Variants in FLACC1 observed in about 807,000 individuals in gnomAD.
FLACC1 encodes flagellum associated containing coiled-coil domains 1, also known as flagellum-associated coiled-coil domain-containing protein 1.
In FLACC1, 66 loss-of-function variants were observed where a neutral mutation model predicts 62.8. The ratio of observed to expected loss-of-function variants is 1.05; its 90% CI spans 0.86 to 1.29. FLACC1 has a LOEUF of 1.29. Ranked by LOEUF, FLACC1 falls within the 50% of genes most tolerant of loss-of-function variation. The pLI is 0.00. For synonymous variants in FLACC1, 156 were observed against 161.0 expected (o/e 0.97, Z 0.24); for missense variants, 452 against 489.1 (o/e 0.92, Z 0.71).
chr2:201,363,605 C>A, the FLACC1 span, among the ~76,000 whole-genome samples: 8 of 152,066 alleles, frequency 5.3e-5, no homozygotes, highest in African/African-American at 1.7e-4. Context: ...TCTGAGTCAC[C>A]CAAACCCTCC....
At chr2:201,317,584 C>T (rs1950329348) in intron 9 of FLACC1, among the ~76,000 whole-genome samples, 3 of 152,096 alleles carry the variant, frequency 2.0e-5, no homozygotes, top group Non-Finnish European at 4.4e-5. Context: ...CCCATGCTCA[C>T]TGATGGGTAG....
chr2:201,302,922 T>C (rs1471394922), intron 11 of FLACC1, among the ~76,000 whole-genome samples: 1 of 152,178 alleles, frequency 6.6e-6, no homozygotes, highest in East Asian at 1.9e-4. Flanking sequence ...CTGGGACACA[T>C]TTAAAGCAGT....
At chr2:201,296,470 C>T (rs1200341914) in intron 12 of FLACC1, among the ~76,000 whole-genome samples, 1 of 130,006 alleles carries the variant, frequency 7.7e-6, no homozygotes, top group African/African-American at 3.0e-5. Flanking sequence ...AATGAGAACA[C>T]ATGGACACAG....
At chr2:201,332,528 G>A (rs760563392) in intron 7 of FLACC1, among the ~76,000 whole-genome samples, 2 of 152,120 alleles carry the variant, frequency 1.3e-5, no homozygotes, top group East Asian at 1.9e-4. Flanking sequence ...GATTACAGGC[G>A]TGAGCCACTG....
chr2:201,349,302 T>C (rs756108373), intron 3 of FLACC1, among the ~76,000 whole-genome samples: 3 of 152,232 alleles, frequency 2.0e-5, no homozygotes, highest in Non-Finnish European at 4.4e-5. Flanking sequence ...CTGGTCCCTC[T>C]GCCAAGAGTG....
In FLACC1 at chr2:201,288,566, C is replaced by T; in HGVS notation, c.*89G>A. The T allele has an allele frequency of 1.3e-6, 2 of 1,485,902 alleles. No homozygotes were observed. Among genetic ancestry groups the T allele is most frequent in the Non-Finnish European group, 9.1e-7 (1 of 1,096,474 alleles). The allele number at this position is 1,485,902 out of a possible 1,614,324, so 92.0% of individuals were successfully genotyped here. A position where few individuals can be genotyped will look rare whatever the true frequency, so the allele number is the denominator to read the frequency against. On this transcript the variant is annotated 3_prime_UTR_variant, in exon 15 of 15. Coordinates refer to ENST00000392257, the MANE Select transcript of FLACC1 (RefSeq NM_001127391.3). ...ACCCAAGAACTAAACTCATTATATG[C>T]ATTTTCTCAAGAAAACCCTCCCAGG...
chr2:201,357,733 T>G (rs1951142169), upstream of FLACC1, among the ~76,000 whole-genome samples: 1 of 152,194 alleles, frequency 6.6e-6, no homozygotes, highest in Non-Finnish European at 1.5e-5. Flanking sequence ...CCCTCGAGTT[T>G]AAGGCTTTGA....
intron 7 of FLACC1, among the ~76,000 whole-genome samples, chr2:201,338,323 T>C (rs1346706337): frequency 1.3e-5 from 2 of 152,188 alleles, no homozygotes; most frequent in Non-Finnish European, 2.9e-5. Context: ...GATTTTCATA[T>C]ATAAGATTAT....
intron 7 of FLACC1, among the ~76,000 whole-genome samples, chr2:201,331,858 TG>T (rs1353332915): frequency 6.6e-6 from 1 of 152,232 alleles, no homozygotes; most frequent in Non-Finnish European, 1.5e-5. Context: ...CTATGAACTC[TG>T]GGTGATAATG....
At chr2:201,304,715 G>A (rs978838939) in intron 11 of FLACC1, among the ~76,000 whole-genome samples, 2 of 152,126 alleles carry the variant, frequency 1.3e-5, no homozygotes, top group Non-Finnish European at 2.9e-5. Context: ...AAACAGCATG[G>A]TACTGGTACC....
At chr2:201,303,090 C>G (rs1950020593) in intron 11 of FLACC1, among the ~76,000 whole-genome samples, 1 of 139,766 alleles carries the variant, frequency 7.2e-6, no homozygotes, top group African/African-American at 2.7e-5. Flanking sequence ...CAGAGCAGAA[C>G]TGAAGGAGAT....
In FLACC1 at chr2:201,289,739, A is replaced by C. The variant is rs748729496; in HGVS notation, c.989T>G (p.Leu330Arg). ...CTGGGTATAGTAGAGGTTTGTGTTCAGTGACTCTAGGATAAGGGCTTGTGC... is the reference window on the plus strand; with the variant it reads ...CTGGGTATAGTAGAGGTTTGTGTTCCGTGACTCTAGGATAAGGGCTTGTGC... ...LHAQALILES[L>R]NTNLYYTQLE... is the part of the protein sequence containing the mutation. Residue 330 changes from leucine to arginine, a missense_variant, in exon 13 of 15, where the codon CTG becomes CGG. Physicochemically the swap from Leu to Arg is moderately radical, Grantham distance 102. Transcript: ENST00000392257. The C allele has an allele frequency of 6.2e-7, 1 of 1,614,024 alleles. No individual in the cohort carries two copies. Among genetic ancestry groups the C allele is most frequent in the Non-Finnish European group, 8.5e-7 (1 of 1,180,020 alleles).
intron 7 of FLACC1, among the ~76,000 whole-genome samples, chr2:201,334,142 T>C (rs75451381): frequency 6.6e-6 from 1 of 151,340 alleles, no homozygotes; most frequent in Non-Finnish European, 1.5e-5. Context: ...GTGGTTTTGA[T>C]TTGCATTTCT....
chr2:201,363,604 C>T, the FLACC1 span, among the ~76,000 whole-genome samples: 46 of 152,172 alleles, frequency 3.0e-4, no homozygotes, highest in African/African-American at 1.1e-3. Context: ...GTCTGAGTCA[C>T]CCAAACCCTC....
intron 12 of FLACC1, among the ~76,000 whole-genome samples, chr2:201,296,172 A>C (rs987729414): frequency 2.6e-5 from 4 of 152,234 alleles, no homozygotes; most frequent in African/African-American, 4.8e-5. Flanking sequence ...GTATATACCC[A>C]AAGGATTATA....
At chr2:201,293,302 C>T (rs868364201) in intron 12 of FLACC1, among the ~76,000 whole-genome samples, 1 of 152,160 alleles carries the variant, frequency 6.6e-6, no homozygotes, top group African/African-American at 2.4e-5. Flanking sequence ...TGTAAAAGAA[C>T]AGAAATCACA....
chr2:201,359,842 T>A (rs1454224286), upstream of FLACC1, among the ~76,000 whole-genome samples: 1 of 152,186 alleles, frequency 6.6e-6, no homozygotes, highest in Non-Finnish European at 1.5e-5. Flanking sequence ...TGATAGACTC[T>A]ATTAGTCATC....
At chr2:201,344,976 A>G (rs1012825353) in intron 5 of FLACC1, among the ~76,000 whole-genome samples, 1 of 152,232 alleles carries the variant, frequency 6.6e-6, no homozygotes, top group African/African-American at 2.4e-5. Context: ...GTTCAAGGGT[A>G]AGAGAAAGAA....
At chr2:201,362,865 GC>G in the FLACC1 span, among the ~76,000 whole-genome samples, 1 of 152,090 alleles carries the variant, frequency 6.6e-6, no homozygotes, top group African/African-American at 2.4e-5. Context: ...AGTCTCCATA[GC>G]CAGAACTGTG....
Sources: allele counts gnomAD v4.1 joint callset (sites outside exome capture counted in the v4.1 genomes callset), GRCh38; gene constraint gnomAD v4.1.1; transcripts MANE v1.5; gene names NCBI Gene and HGNC (gene_info 2026-07-23, HGNC 2026-07-21).